Variants in UBAP2L observed in about 807,000 individuals in gnomAD.
UBAP2L encodes the protein ubiquitin-associated protein 2-like.
In UBAP2L, 12 loss-of-function variants were observed where a neutral mutation model predicts 130.6. The ratio of observed to expected loss-of-function variants is 0.09; its 90% CI spans 0.06 to 0.15. The LOEUF is 0.15. Among genes scored for constraint, UBAP2L ranks in the 10% least tolerant of loss-of-function variants. The probability of loss-of-function intolerance (pLI) is 1.00; values close to 1 mark genes in which losing one functional copy is unlikely to be tolerated. For synonymous variants in UBAP2L, 503 were observed against 524.7 expected, an observed-to-expected ratio of 0.96 and a Z score of 0.57; for missense variants, 965 against 1,332.5, an observed-to-expected ratio of 0.72 and a Z score of 4.29.
At chr1:154,258,452 A>G (rs986095816) in intron 20 of UBAP2L, among the ~76,000 whole-genome samples, 1 of 152,228 alleles carries the variant, frequency 6.6e-6, no homozygotes, top group Admixed American at 6.5e-5. Context: ...GTACCTATTA[A>G]GATGAAGGAT....
At chr1:154,256,452 T>C (rs957979889) in intron 18 of UBAP2L, among the ~76,000 whole-genome samples, 2 of 151,988 alleles carry the variant, frequency 1.3e-5, no homozygotes, top group African/African-American at 2.4e-5. Flanking sequence ...ACCTGAGCAA[T>C]ATAGTGAGAC....
intron 24 of UBAP2L, among the ~76,000 whole-genome samples, chr1:154,264,700 A>G (rs1429404950): frequency 1.3e-5 from 2 of 152,110 alleles, no homozygotes; most frequent in African/African-American, 4.8e-5. Flanking sequence ...TCCATCCAAT[A>G]TAGGCAGCCT....
intron 24 of UBAP2L, among the ~76,000 whole-genome samples, chr1:154,262,015 G>C (rs1681715605): frequency 6.6e-6 from 1 of 152,218 alleles, no homozygotes; most frequent in African/African-American, 2.4e-5. Flanking sequence ...GTCAGTGGAG[G>C]CAAGTGTTAA....
rs149365430 is a variant in UBAP2L at position 154,251,068 on chromosome 1, T to C, written c.1241T>C (p.Val414Ala). ...TTGAAGAACCCAAGTGATTCAGCAGTGCACAGCCCCTTTACAAAGCGCCAG... is the reference window on the plus strand; with the variant it reads ...TTGAAGAACCCAAGTGATTCAGCAGCGCACAGCCCCTTTACAAAGCGCCAG... ...YDLKNPSDSA[V>A]HSPFTKRQAF... Residue 414 changes from valine (V) to alanine (A), a missense_variant, in exon 13 of 27, where the codon GTG becomes GCG. By Grantham distance (64) the Val-to-Ala change is moderately conservative (BLOSUM62 0). Around this residue, in one of 9 missense-constraint regions of UBAP2L, gnomAD observed 74 missense variants for 97.1 expected, o/e 0.76. Transcript: ENST00000428931. 4,860 of 1,613,492 alleles carry C rather than the reference T, an allele frequency of 3.0e-3. 11 individuals are homozygous for C. Among genetic ancestry groups the C allele is most frequent in the Non-Finnish European group, 3.6e-3 (4,246 of 1,179,572 alleles).
At chr1:154,266,708 T>A in intron 25 of UBAP2L, 140 bp downstream of exon 25, 1 of 868,882 alleles carries the variant, frequency 1.2e-6, no homozygotes, top group Admixed American at 2.2e-5. Context: ...AAATGAAAGG[T>A]CTTCTCTAGA....
chr1:154,257,536 AC>A lies in UBAP2L; in HGVS notation c.2442+103del, dbSNP rs570951948. ...GACCCCTGTGAATACCAAAACTTGCACATACTCAAGCCCTGCAGTTGGCTCT... is the reference window on the plus strand; with the variant it reads ...GACCCCTGTGAATACCAAAACTTGCAATACTCAAGCCCTGCAGTTGGCTCT... On this transcript the variant is annotated intron_variant, in intron 20 of 26. Coordinates refer to ENST00000428931, the MANE Select transcript of UBAP2L (RefSeq NM_014847.4). The A allele has an allele frequency of 1.1e-3, 1,377 of 1,263,694 alleles. 2 individuals are homozygous for A. Among genetic ancestry groups the A allele is most frequent in the Non-Finnish European group, 1.4e-3 (1,204 of 884,272 alleles). The allele number at this position is 1,263,694 out of a possible 1,614,324, so 78.3% of individuals were successfully genotyped here.
At chr1:154,269,275 C>G in intron 26 of UBAP2L, 14 of 1,297,668 alleles carry the variant, frequency 1.1e-5, no homozygotes, top group Non-Finnish European at 1.5e-5. Context: ...TCCCTCTTCC[C>G]TGACATTTTA....
At chr1:154,239,994 A>G (rs954167928) in intron 8 of UBAP2L, among the ~76,000 whole-genome samples, 9 of 152,216 alleles carry the variant, frequency 5.9e-5, no homozygotes, top group Admixed American at 3.9e-4. Flanking sequence ...TCTAAGAAAG[A>G]AGATTTTTGC....
At chr1:154,249,964 CT>C (rs1416524018) in intron 12 of UBAP2L, among the ~76,000 whole-genome samples, 1 of 151,746 alleles carries the variant, frequency 6.6e-6, no homozygotes, top group African/African-American at 2.4e-5. Context: ...TTAGATTTAT[CT>C]TCAGTGTTTG....
chr1:154,264,153 C>T (rs902058106), intron 24 of UBAP2L, among the ~76,000 whole-genome samples: 2 of 152,180 alleles, frequency 1.3e-5, no homozygotes, highest in Non-Finnish European at 2.9e-5. Context: ...ACAACATTAG[C>T]CCTTTGTTTA....
intron 11 of UBAP2L, among the ~76,000 whole-genome samples, chr1:154,248,492 T>C (rs747367715): frequency 6.6e-6 from 1 of 152,232 alleles, no homozygotes; most frequent in African/African-American, 2.4e-5. Flanking sequence ...TAAAATCTTA[T>C]ATTACATTTA....
At chr1:154,227,697 C>A (rs1015229907) in intron 3 of UBAP2L, among the ~76,000 whole-genome samples, 3 of 151,990 alleles carry the variant, frequency 2.0e-5, no homozygotes, top group Non-Finnish European at 4.4e-5. Flanking sequence ...CAGGCGCTCA[C>A]CACCATGCCT....
downstream of UBAP2L, chr1:154,271,305 C>T (rs1684673122): frequency 9.9e-6 from 2 of 201,984 alleles, no homozygotes; most frequent in Admixed American, 5.6e-5. Context: ...CAACATGTAT[C>T]GTCTGGCAGA....
intron 17 of UBAP2L, 53 bp from the exon 18 acceptor site, chr1:154,255,630 A>G (rs997005951): frequency 6.3e-7 from 1 of 1,574,850 alleles, no homozygotes. Context: ...CTGAAGCTCC[A>G]GGTCACGTAA....
At chr1:154,230,152 A>G (rs748991263) in intron 4 of UBAP2L, among the ~76,000 whole-genome samples, 7 of 152,104 alleles carry the variant, frequency 4.6e-5, no homozygotes, top group Non-Finnish European at 1.0e-4. Context: ...GACTACAGGC[A>G]TGCACCACCA....
intron 6 of UBAP2L, 66 bp downstream of exon 6, chr1:154,235,357 T>TG: frequency 1.5e-6 from 1 of 677,070 alleles, no homozygotes; most frequent in Non-Finnish European, 2.7e-6. Flanking sequence ...TGGTCTGCTT[T>TG]ATTTTTTTTT....
chr1:154,253,877 A>AT, intron 14 of UBAP2L, 23 bp from the exon 15 acceptor site: 1 of 1,611,880 alleles, frequency 6.2e-7, no homozygotes, highest in Non-Finnish European at 8.5e-7. Context: ...TTTCTCTGAG[A>AT]TTTTTCTCTT....
chr1:154,246,448 A>T (rs374982325), intron 11 of UBAP2L, 73 bp downstream of exon 11: 2 of 1,499,260 alleles, frequency 1.3e-6, no homozygotes, highest in Admixed American at 2.0e-5. Flanking sequence ...GTTCCTTCCA[A>T]AGACAGTCAG....
chr1:154,264,313 T>G (rs552111147), intron 24 of UBAP2L, among the ~76,000 whole-genome samples: 32 of 152,282 alleles, frequency 2.1e-4, no homozygotes, highest in Admixed American at 4.6e-4. Context: ...GTGGGAGAGA[T>G]AGATTCATGT....
Sources: gnomAD v4.1 joint callset for allele counts (sites outside exome capture counted in the v4.1 genomes callset) on GRCh38, gnomAD v4.1.1 for gene constraint, gnomAD v4.1.1 regional missense constraint, MANE v1.5 for transcripts, NCBI Gene and HGNC (gene_info 2026-07-23, HGNC 2026-07-21) for gene names.